NCAM2: variants seen among roughly 807,000 people sequenced by gnomAD.
NCAM2 encodes the protein neural cell adhesion molecule 2, also known as N-CAM-2.
A neutral mutation model predicts 98.1 loss-of-function variants in NCAM2; 30 were observed. The observed-to-expected ratio is 0.31, with a 90% CI of 0.23 to 0.41. The LOEUF (loss-of-function observed/expected upper bound fraction) is 0.41. Among genes scored for constraint, NCAM2 ranks in the 10% least tolerant of loss-of-function variants. The pLI, the probability that NCAM2 is intolerant of heterozygous loss-of-function variation, is 1.00. For missense variants in NCAM2, 867 were observed against 1,005.8 expected, an observed-to-expected ratio of 0.86 and a Z score of 1.87; for synonymous variants, 368 against 342.4, an observed-to-expected ratio of 1.07 and a Z score of -0.83.
chr21:21,117,706 G>T (rs2066592344), intron 1 of NCAM2, among the ~76,000 whole-genome samples: 1 of 152,072 alleles, frequency 6.6e-6, no homozygotes, highest in Non-Finnish European at 1.5e-5. Context: ...GTCTTATTGA[G>T]GATTATTGGA....
At chr21:21,189,079 A>C (rs1569126906) in intron 1 of NCAM2, among the ~76,000 whole-genome samples, 1 of 152,216 alleles carries the variant, frequency 6.6e-6, no homozygotes, top group Non-Finnish European at 1.5e-5. Flanking sequence ...AGAAAGCTTT[A>C]GCATTTATCT....
At chr21:21,343,358 T>TACACACACACACACACAC (rs71195322) in intron 8 of NCAM2, among the ~76,000 whole-genome samples, 106 of 120,870 alleles carry the variant, frequency 8.8e-4, no homozygotes, top group African/African-American at 3.0e-3. Context: ...TCTATACACA[T>TACACACACACACACACAC]ACACACACAC....
At chr21:21,439,659 T>C (rs922548698) in intron 12 of NCAM2, among the ~76,000 whole-genome samples, 2 of 152,202 alleles carry the variant, frequency 1.3e-5, no homozygotes, top group Admixed American at 1.3e-4. Context: ...TAAAATATAG[T>C]AAAGTTTAGT....
rs1427693476 is a variant in NCAM2 at position 21,048,046 on chromosome 21, TC to T, written c.55+49432del. ...GGAAAAATCCACATTCTATAAAGAA[TC>T]CCCTTTCCCCTTTGTTTTCCTTCTT... is the stretch of plus-strand genomic sequence containing the variant. On this transcript the variant is annotated intron_variant, in intron 1 of 17. Transcript: ENST00000400546. Among the ~76,000 whole-genome samples the T allele has an allele frequency of 1.4e-4, 22 of 152,306 alleles. No individual in the cohort carries two copies. In the East Asian group the frequency reaches 3.5e-3, roughly 24 times the overall value.
rs190838349 is a variant in NCAM2 at position 21,231,159 on chromosome 21, G to A, written c.56-49419G>A. Among the ~76,000 whole-genome samples, 5 of 151,442 alleles carry A rather than the reference G, an allele frequency of 3.3e-5. No homozygotes were observed. In the East Asian group the frequency reaches 7.7e-4, roughly 23 times the overall value. On this transcript the variant is annotated intron_variant, in intron 1 of 17. Coordinates refer to ENST00000400546, the MANE Select transcript of NCAM2 (RefSeq NM_004540.5). ...AAAATTTGAAAGTACAATGCCAAAAGTACCTAGTTGCCTAACTCTTGAAGC... is the reference window on the plus strand; with the variant it reads ...AAAATTTGAAAGTACAATGCCAAAAATACCTAGTTGCCTAACTCTTGAAGC...
At chr21:21,085,448 T>C (rs968722939) in intron 1 of NCAM2, among the ~76,000 whole-genome samples, 1 of 152,162 alleles carries the variant, frequency 6.6e-6, no homozygotes, top group Non-Finnish European at 1.5e-5. Flanking sequence ...TGGCCTCTTA[T>C]ATTTCAGTTC....
chr21:21,361,623 A>G (rs1190157187), intron 8 of NCAM2, among the ~76,000 whole-genome samples: 4 of 152,000 alleles, frequency 2.6e-5, no homozygotes, highest in Admixed American at 6.6e-5. Flanking sequence ...GGCTTTAATG[A>G]TCAATTGGAT....
chr21:21,385,743 A>C (rs1189809854), intron 9 of NCAM2: 1 of 931,896 alleles, frequency 1.1e-6, no homozygotes, highest in African/African-American at 1.7e-5. Context: ...AGTTTAATGC[A>C]GTAAGCACTG....
intron 1 of NCAM2, among the ~76,000 whole-genome samples, chr21:21,116,329 G>A (rs529261088): frequency 6.6e-6 from 1 of 152,138 alleles, no homozygotes; most frequent in South Asian, 2.1e-4. Flanking sequence ...TCCCATGAGA[G>A]ATTATATAAA....
At chr21:21,056,271 T>A (rs1296911389) in intron 1 of NCAM2, among the ~76,000 whole-genome samples, 1 of 152,064 alleles carries the variant, frequency 6.6e-6, no homozygotes, top group African/African-American at 2.4e-5. Flanking sequence ...ACAGTGTGTA[T>A]TGAATATAAT....
intron 1 of NCAM2, among the ~76,000 whole-genome samples, chr21:21,087,658 G>T (rs2065930731): frequency 6.6e-6 from 1 of 152,166 alleles, no homozygotes; most frequent in Admixed American, 6.5e-5. Flanking sequence ...ACCACTGGGA[G>T]ATATAGCACT....
At chr21:21,370,303 C>T (rs2075886876) in intron 8 of NCAM2, among the ~76,000 whole-genome samples, 4 of 151,638 alleles carry the variant, frequency 2.6e-5, no homozygotes, top group African/African-American at 9.7e-5. Flanking sequence ...ACCCATTTTT[C>T]TTTTTTTATA....
chr21:21,086,717 G>T (rs148159110), intron 1 of NCAM2, among the ~76,000 whole-genome samples: 27 of 152,226 alleles, frequency 1.8e-4, no homozygotes, highest in African/African-American at 6.5e-4. Flanking sequence ...TGAAATGTGC[G>T]TCCTAAATGA....
intron 12 of NCAM2, among the ~76,000 whole-genome samples, chr21:21,459,074 A>G (rs1982578523): frequency 6.6e-6 from 1 of 152,114 alleles, no homozygotes; most frequent in African/African-American, 2.4e-5. Context: ...AGACATACAC[A>G]TGGCCAATAG....
intron 10 of NCAM2, among the ~76,000 whole-genome samples, chr21:21,417,323 TAGC>T (rs1203342945): frequency 3.3e-5 from 5 of 152,100 alleles, no homozygotes; most frequent in African/African-American, 1.2e-4. Flanking sequence ...TTTAATCACT[TAGC>T]AGTAATTATG....
intron 16 of NCAM2, among the ~76,000 whole-genome samples, chr21:21,526,277 G>A (rs926609710): frequency 6.6e-6 from 1 of 152,096 alleles, no homozygotes; most frequent in Non-Finnish European, 1.5e-5. Context: ...AAGGTTGCAG[G>A]ATAAAAGATT....
At chr21:21,420,185 A>G (rs941078596) in intron 11 of NCAM2, among the ~76,000 whole-genome samples, 7 of 152,182 alleles carry the variant, frequency 4.6e-5, no homozygotes, top group African/African-American at 1.7e-4. Flanking sequence ...CTGAAGGAAA[A>G]TAGAAAATTG....
chr21:21,466,782 T>C, intron 13 of NCAM2, 57 bp downstream of exon 13: 5 of 1,501,638 alleles, frequency 3.3e-6, no homozygotes, highest in Non-Finnish European at 4.5e-6. Context: ...CTTGCAAATT[T>C]AATAGATTTT....
chr21:21,163,510 A>T (rs533762735), intron 1 of NCAM2, among the ~76,000 whole-genome samples: 2 of 152,036 alleles, frequency 1.3e-5, no homozygotes, highest in African/African-American at 4.8e-5. Flanking sequence ...TTATTGTTAG[A>T]TTCAAAACAT....
Sources: allele counts gnomAD v4.1 joint callset (sites outside exome capture counted in the v4.1 genomes callset), GRCh38; gene constraint gnomAD v4.1.1; transcripts MANE v1.5; gene names NCBI Gene and HGNC (gene_info 2026-07-23, HGNC 2026-07-21).